NNT: variants seen among roughly 807,000 people sequenced by gnomAD.
NNT encodes the protein NAD(P) transhydrogenase, mitochondrial.
A neutral mutation model predicts 104.8 loss-of-function variants in NNT; 50 were observed. The ratio of observed to expected loss-of-function variants is 0.48; its 90% CI spans 0.38 to 0.60. NNT has a LOEUF of 0.60. Ranked by LOEUF, NNT falls within the 20% of genes least tolerant of loss-of-function variation. The pLI, the probability that NNT is intolerant of heterozygous loss-of-function variation, is 0.00. For missense variants in NNT, 1,131 were observed against 1,330.7 expected (o/e 0.85, Z 2.33); for synonymous variants, 461 against 490.4 (o/e 0.94, Z 0.79).
At chr5:43,625,272 G>C (rs942516423) in intron 6 of NNT, among the ~76,000 whole-genome samples, 12 of 152,092 alleles carry the variant, frequency 7.9e-5, no homozygotes, top group African/African-American at 2.2e-4. Flanking sequence ...GTGAACTACT[G>C]AGAATTTAGT....
intron 5 of NNT, among the ~76,000 whole-genome samples, chr5:43,619,793 G>A (rs1749976333): frequency 6.6e-6 from 1 of 152,156 alleles, no homozygotes; most frequent in Admixed American, 6.5e-5. Flanking sequence ...TAAAAAAGAG[G>A]TTTATTTGGC....
In NNT at chr5:43,677,770, T is replaced by C. The variant is rs1418359208; in HGVS notation, c.2840T>C (p.Leu947Ser). The C allele has an allele frequency of 3.7e-6, 6 of 1,613,688 alleles. No individual in the cohort carries two copies. The South Asian group carries it at 5.5e-5, about 15-fold the overall frequency. ...AAKAQYPIAD[L>S]VKMLTEQGKK... ...AAAGCTCAATACCCCATTGCTGATT[T>C]GGTAAAGATGCTCACTGAGCAAGGC... Residue 947 changes from leucine (L) to serine (S), a missense_variant, in exon 19 of 22, where the codon TTG becomes TCG. By Grantham distance (145) the Leu-to-Ser change is moderately radical (BLOSUM62 -2). Coordinates refer to ENST00000344920, the MANE Select transcript of NNT (RefSeq NM_182977.3).
chr5:43,609,695 G>A (rs1347538793), intron 2 of NNT, among the ~76,000 whole-genome samples: 1 of 152,150 alleles, frequency 6.6e-6, no homozygotes, highest in Non-Finnish European at 1.5e-5. Context: ...GCTCATCTAT[G>A]CTCAGGAATT....
intron 17 of NNT, among the ~76,000 whole-genome samples, chr5:43,665,695 C>G (rs367940605): frequency 6.9e-6 from 1 of 145,694 alleles, no homozygotes; most frequent in Non-Finnish European, 1.6e-5. Context: ...CTTTTCTATT[C>G]GACAAAACCG....
chr5:43,609,566 A>G (rs1193477542), intron 2 of NNT, among the ~76,000 whole-genome samples: 3 of 151,646 alleles, frequency 2.0e-5, no homozygotes. Context: ...TAGAAAAAAC[A>G]AACAAACAAA....
intron 10 of NNT, among the ~76,000 whole-genome samples, chr5:43,645,960 G>A (rs543117550): frequency 8.6e-5 from 13 of 151,642 alleles, no homozygotes; most frequent in South Asian, 2.1e-4. Context: ...TGATCTGCCC[G>A]CCTCAGCCTC....
At position 43,666,753 on chromosome 5, in the gene NNT, T is replaced by C; in HGVS notation, c.2634+7403T>C. The C allele has an allele frequency of 2.4e-6, 3 of 1,253,150 alleles. No homozygotes were observed. In the South Asian group the frequency reaches 4.2e-5, roughly 18 times the overall value. The allele number at this position is 1,253,150 out of a possible 1,614,324, so 77.6% of individuals were successfully genotyped here. A position where few individuals can be genotyped will look rare whatever the true frequency, so the allele number is the denominator to read the frequency against. ...CGCACCAGTCCTTCTGTCCTCACGTTGGCAGAGATATCTACTCTGAAGGCT... is the reference window on the plus strand; with the variant it reads ...CGCACCAGTCCTTCTGTCCTCACGTCGGCAGAGATATCTACTCTGAAGGCT... On this transcript the variant is annotated intron_variant, in intron 17 of 21. Coordinates refer to ENST00000344920, the MANE Select transcript of NNT (RefSeq NM_182977.3).
At chr5:43,655,792 T>C (rs1222290641) in intron 14 of NNT, 48 bp from the exon 15 acceptor site, 2 of 1,357,930 alleles carry the variant, frequency 1.5e-6, no homozygotes, top group Non-Finnish European at 2.1e-6. Flanking sequence ...TGTGGTTACT[T>C]CTCAAAAGTT....
chr5:43,651,932 T>C, intron 13 of NNT, 48 bp downstream of exon 13: 1 of 1,574,056 alleles, frequency 6.4e-7, no homozygotes, highest in South Asian at 1.1e-5. Context: ...TATTTTCTTC[T>C]CTATTAGATT....
rs990498595 is a variant in NNT at position 43,645,489 on chromosome 5, A to G, written c.1423A>G (p.Thr475Ala). The G allele has an allele frequency of 4.5e-6, 7 of 1,562,900 alleles. No individual in the cohort carries two copies. Among genetic ancestry groups the G allele is most frequent in the South Asian group, 3.6e-5 (3 of 82,708 alleles). The change falls in exon 10 of 22, where the codon ACG becomes GCG. Residue 475 changes from threonine (T) to alanine (A), a missense_variant. Thr to Ala is a moderately conservative substitution (Grantham distance 58). Transcript: ENST00000344920. The stretch of plus-strand genomic sequence containing the variant: ...TACACCCTTCAGGAAGACAATGTCA[A>G]CGGCTTCTGCATATACAGCAGGTGA... ...TITPFRKTMS[T>A]ASAYTAGLTG... is the part of the protein sequence containing the mutation.
At chr5:43,686,481 T>C (rs972878493) in intron 19 of NNT, among the ~76,000 whole-genome samples, 13 of 152,224 alleles carry the variant, frequency 8.5e-5, no homozygotes, top group African/African-American at 2.9e-4. Flanking sequence ...TACAGTTTTT[T>C]AGTATTTTTG....
rs552554623 is a variant in NNT at position 43,650,147 on chromosome 5, CTATAACACTGGTGGATT to C, written c.1607-325_1607-309del. 5.3e-4 allele frequency among the ~76,000 whole-genome samples: 81 copies of C among 152,324 alleles called. 2 individuals carry two copies. Among genetic ancestry groups the C allele is most frequent in the African/African-American group, 1.7e-3 (70 of 41,574 alleles). ...ACTTTTTAACCATAAGCAATGTTGTCTATAACACTGGTGGATTTATATCTGTATTAGAGGAACATCGC... is the reference window on the plus strand; with the variant it reads ...ACTTTTTAACCATAAGCAATGTTGTCTATATCTGTATTAGAGGAACATCGC... On this transcript the variant is annotated intron_variant, in intron 11 of 21. Coordinates refer to ENST00000344920, the MANE Select transcript of NNT (RefSeq NM_182977.3).
At position 43,624,125 on chromosome 5, in the gene NNT, G is replaced by A. The variant is rs547282160; in HGVS notation, c.776+5G>A. ...TGTTCGAGGATTTGACACAAGGTGAGTGCTTTACTAGTGACTGATGTTAAG... is the reference window on the plus strand; with the variant it reads ...TGTTCGAGGATTTGACACAAGGTGAATGCTTTACTAGTGACTGATGTTAAG... On this transcript the variant is annotated splice_donor_5th_base_variant and intron_variant, in intron 6 of 21. Transcript: ENST00000344920. 6.2e-7 allele frequency: 1 copy of A among 1,613,694 alleles called. No individual in the cohort carries two copies. The highest frequency in any genetic ancestry group is 1.3e-5 in the African/African-American group (1 of 75,022).
intron 7 of NNT, among the ~76,000 whole-genome samples, chr5:43,630,325 T>C (rs1750611132): frequency 2.0e-5 from 3 of 152,170 alleles, no homozygotes; most frequent in Admixed American, 6.5e-5. Context: ...TACTACCTTC[T>C]CCTTGTAGGA....
intron 19 of NNT, among the ~76,000 whole-genome samples, chr5:43,689,059 A>AT: frequency 6.6e-6 from 1 of 151,982 alleles, no homozygotes. Context: ...AACCTTTATT[A>AT]TTTTTTGATT....
intron 4 of NNT, among the ~76,000 whole-genome samples, chr5:43,617,671 A>G (rs144153770): frequency 1.3e-5 from 2 of 152,248 alleles, no homozygotes; most frequent in East Asian, 1.9e-4. Context: ...TTCACTATCA[A>G]TGTTTCCTCG....
chr5:43,626,750 C>T (rs1363288782), intron 6 of NNT, among the ~76,000 whole-genome samples: 1 of 149,926 alleles, frequency 6.7e-6, no homozygotes. Context: ...ATATATATAA[C>T]TTTAGAACAA....
intron 17 of NNT, among the ~76,000 whole-genome samples, chr5:43,672,957 A>G (rs1327802437): frequency 2.0e-5 from 3 of 151,596 alleles, no homozygotes; most frequent in African/African-American, 7.3e-5. Flanking sequence ...CAGCTGCTTT[A>G]TTTACCTACT....
chr5:43,685,469 AG>A (rs1741933021), intron 19 of NNT, among the ~76,000 whole-genome samples: 1 of 152,166 alleles, frequency 6.6e-6, no homozygotes, highest in African/African-American at 2.4e-5. Context: ...AAATAGTTGA[AG>A]GTTGTAAAGA....
Sources: allele counts gnomAD v4.1 joint callset (sites outside exome capture counted in the v4.1 genomes callset), GRCh38; gene constraint gnomAD v4.1.1; transcripts MANE v1.5; gene names NCBI Gene and HGNC (gene_info 2026-07-23, HGNC 2026-07-21).